Variants in TBC1D5 observed in about 807,000 individuals in gnomAD.
TBC1D5 encodes TBC1 domain family member 5.
TBC1D5 carries 75 observed loss-of-function variants against 100.3 expected under a neutral mutation model. That is an observed-to-expected ratio of 0.75 (90% CI 0.62 to 0.91). The LOEUF (loss-of-function observed/expected upper bound fraction) is 0.91. Ranked by LOEUF, TBC1D5 falls within the 40% of genes least tolerant of loss-of-function variation. The pLI, the probability that TBC1D5 is intolerant of heterozygous loss-of-function variation, is 0.00. For missense variants in TBC1D5, 910 were observed against 942.4 expected, an observed-to-expected ratio of 0.97 and a Z score of 0.45; for synonymous variants, 323 against 325.6, an observed-to-expected ratio of 0.99 and a Z score of 0.09.
chr3:17,709,739 T>A (rs1052063737), intron 1 of TBC1D5, among the ~76,000 whole-genome samples: 1 of 152,172 alleles, frequency 6.6e-6, no homozygotes, highest in African/African-American at 2.4e-5. Flanking sequence ...AAATTTTTTT[T>A]AATTAAAAAG....
In TBC1D5 at chr3:17,325,323, C is replaced by CTT. The variant is rs35423622; in HGVS notation, c.996-17191_996-17190dup. 9.5e-3 allele frequency among the ~76,000 whole-genome samples: 1,180 copies of CTT among 124,014 alleles called. 28 individuals are homozygous for CTT. The highest frequency in any genetic ancestry group is 0.028 in the African/African-American group (927 of 33,140). The allele number at this position is 124,014 out of a possible 152,430, so 81.4% of individuals were successfully genotyped here. ...GATAGAGGCAATAATATGGATGAATCTTTTTTTTTTTTTTTTTGAGACGAA... is the reference window on the plus strand; with the variant it reads ...GATAGAGGCAATAATATGGATGAATCTTTTTTTTTTTTTTTTTTTGAGACGAA... On this transcript the variant is annotated intron_variant, in intron 13 of 21. Transcript: ENST00000253692.
chr3:17,705,841 G>A (rs1483870702), intron 1 of TBC1D5, among the ~76,000 whole-genome samples: 5 of 151,294 alleles, frequency 3.3e-5, no homozygotes, highest in East Asian at 2.0e-4. Flanking sequence ...CTTCCCAGAC[G>A]GGGTGGCGGC....
intron 3 of TBC1D5, among the ~76,000 whole-genome samples, chr3:17,435,826 T>C (rs1292246066): frequency 6.6e-6 from 1 of 152,216 alleles, no homozygotes; most frequent in Non-Finnish European, 1.5e-5. Context: ...TGGAGAGATG[T>C]AGAAGGCCGT....
At chr3:17,322,987 T>C (rs1240376868) in intron 13 of TBC1D5, among the ~76,000 whole-genome samples, 16 of 152,112 alleles carry the variant, frequency 1.1e-4, no homozygotes, top group Non-Finnish European at 7.4e-5. Context: ...AACTGCACTT[T>C]TAAAAAGTTT....
intron 18 of TBC1D5, among the ~76,000 whole-genome samples, chr3:17,205,475 C>A (rs934335176): frequency 2.6e-5 from 4 of 152,224 alleles, no homozygotes; most frequent in Non-Finnish European, 5.9e-5. Flanking sequence ...GCCTGAAAAT[C>A]TACCAGTAAA....
chr3:17,685,885 A>T (rs569186222), intron 1 of TBC1D5, among the ~76,000 whole-genome samples: 1 of 152,154 alleles, frequency 6.6e-6, no homozygotes, highest in South Asian at 2.1e-4. Flanking sequence ...CAGGAGAATA[A>T]TAAGAAGAGC....
intron 3 of TBC1D5, among the ~76,000 whole-genome samples, chr3:17,467,253 C>T (rs2095314899): frequency 6.7e-6 from 1 of 148,604 alleles, no homozygotes; most frequent in Admixed American, 6.7e-5. Flanking sequence ...CTATTAAGTC[C>T]ACCTAATTAG....
At chr3:17,180,284 T>C (rs1483444744) in intron 19 of TBC1D5, among the ~76,000 whole-genome samples, 1 of 152,242 alleles carries the variant, frequency 6.6e-6, no homozygotes, top group Non-Finnish European at 1.5e-5. Flanking sequence ...CTTCTAGTTT[T>C]GGGTTCCAAA....
chr3:17,700,653 T>A (rs1429536347), intron 1 of TBC1D5, among the ~76,000 whole-genome samples: 1 of 151,548 alleles, frequency 6.6e-6, no homozygotes, highest in African/African-American at 2.4e-5. Flanking sequence ...AACAACCCCA[T>A]CAAAAAGTGG....
At chr3:17,517,349 T>C (rs562378656) in intron 2 of TBC1D5, among the ~76,000 whole-genome samples, 64 of 152,334 alleles carry the variant, frequency 4.2e-4, no homozygotes, top group Admixed American at 3.9e-3. Flanking sequence ...CACACTCGTA[T>C]GGTGGGTGAG....
intron 2 of TBC1D5, among the ~76,000 whole-genome samples, chr3:17,601,692 T>C (rs989723783): frequency 3.9e-5 from 6 of 152,212 alleles, no homozygotes; most frequent in African/African-American, 1.4e-4. Flanking sequence ...TGTCATTTCA[T>C]TTAATTCCCA....
intron 3 of TBC1D5, among the ~76,000 whole-genome samples, chr3:17,470,379 A>G (rs1277046001): frequency 6.6e-6 from 1 of 152,250 alleles, no homozygotes; most frequent in Admixed American, 6.5e-5. Flanking sequence ...AATTTTTTAA[A>G]AAATAAAAAC....
rs74580368 is a variant in TBC1D5 at position 17,185,961 on chromosome 3, T to C, written c.1753-753A>G. ...AACAAAAGGATGAAGCCTTTTTTTC[T>C]TTTCTTTTTTTTTTTTAAGGAAAAG... On this transcript the variant is annotated intron_variant, in intron 18 of 21. Coordinates refer to ENST00000253692, the Ensembl canonical transcript of TBC1D5. Among the ~76,000 whole-genome samples, 284 of 147,578 alleles carry C rather than the reference T, an allele frequency of 1.9e-3. 5 individuals are homozygous for C. The East Asian group carries it at 0.038, about 20-fold the overall frequency.
At chr3:17,436,640 C>T (rs1231746481) in intron 3 of TBC1D5, among the ~76,000 whole-genome samples, 1 of 151,956 alleles carries the variant, frequency 6.6e-6, no homozygotes, top group African/African-American at 2.4e-5. Flanking sequence ...AAAGAGAATG[C>T]AGGATATAGT....
chr3:17,198,127 T>C (rs780390358), intron 18 of TBC1D5, among the ~76,000 whole-genome samples: 5 of 152,234 alleles, frequency 3.3e-5, no homozygotes, highest in East Asian at 1.9e-4. Context: ...AGAAAGGTAA[T>C]TGCAGAAAAG....
At chr3:17,159,602 C>T (rs2065870188) in exon 22 of TBC1D5, 1 of 152,308 alleles carries the variant, frequency 6.6e-6, no homozygotes, top group Admixed American at 6.5e-5. Flanking sequence ...GAAAAGCATC[C>T]TTTCCAGGGA....
At chr3:17,169,310 G>A (rs1194946332) in intron 19 of TBC1D5, among the ~76,000 whole-genome samples, 2 of 152,132 alleles carry the variant, frequency 1.3e-5, no homozygotes, top group Non-Finnish European at 2.9e-5. Context: ...CTGATGGAAT[G>A]AATTAATAAA....
At chr3:17,387,291 TA>T (rs2093191329) in intron 8 of TBC1D5, among the ~76,000 whole-genome samples, 1 of 152,036 alleles carries the variant, frequency 6.6e-6, no homozygotes, top group African/African-American at 2.4e-5. Context: ...CACAGAGAAA[TA>T]ATACCTGTGC....
rs570410066 is a variant in TBC1D5, at chr3:17,271,795, G to A, written c.1246-13204C>T. 4.6e-5 allele frequency among the ~76,000 whole-genome samples: 7 copies of A among 152,248 alleles called. No individual in the cohort carries two copies. In the East Asian group the frequency reaches 5.8e-4, roughly 13 times the overall value. ...ATGTTCCTTCAATGCCTAGTTTCTC[G>A]AGGGTTTTTTATCATGAAAGGATAT... On this transcript the variant is annotated intron_variant, in intron 15 of 21. Coordinates refer to ENST00000253692, the Ensembl canonical transcript of TBC1D5.
Sources: gnomAD v4.1 joint callset for allele counts (sites outside exome capture counted in the v4.1 genomes callset) on GRCh38, gnomAD v4.1.1 for gene constraint, MANE v1.5 for transcripts, NCBI Gene and HGNC (gene_info 2026-07-23, HGNC 2026-07-21) for gene names.